VKORC1L1: variants seen among roughly 807,000 people sequenced by gnomAD.
VKORC1L1 encodes the protein vitamin K epoxide reductase complex subunit 1L1.
In VKORC1L1, 2 loss-of-function variants were observed where a neutral mutation model predicts 18.9. That is an observed-to-expected ratio of 0.11 (90% confidence interval 0.04 to 0.33). The LOEUF is 0.33. Among genes scored for constraint, VKORC1L1 ranks in the 10% least tolerant of loss-of-function variants. The pLI is 1.00. For missense variants in VKORC1L1, 123 were observed against 224.1 expected (o/e 0.55, Z 2.88); for synonymous variants, 96 against 100.0 (o/e 0.96, Z 0.24).
intron 1 of VKORC1L1, among the ~76,000 whole-genome samples, chr7:65,884,021 A>C (rs1188501678): frequency 6.6e-6 from 1 of 152,218 alleles, no homozygotes; most frequent in African/African-American, 2.4e-5. Flanking sequence ...TGACAAAATC[A>C]GGAATTAAAG....
At chr7:65,868,830 G>A (rs1361630103), upstream of VKORC1L1, among the ~76,000 whole-genome samples, 1 of 152,050 alleles carries the variant, frequency 6.6e-6, no homozygotes, top group Non-Finnish European at 1.5e-5. Flanking sequence ...GGAGGGTGAG[G>A]GGTGAAAATT....
In VKORC1L1 at chr7:65,942,399, G is replaced by A. The variant is rs1452432583; in HGVS notation, c.195-6272G>A. On this transcript the variant is annotated intron_variant, in intron 1 of 2. Coordinates refer to ENST00000360768, the MANE Select transcript of VKORC1L1 (RefSeq NM_173517.6). Reference sequence around the variant, plus strand: ...CCCAGCTACTTGGGAGGCTGAGGCAGGAAAATGGCATGAACCCGGGAGGCG... The same window carrying A: ...CCCAGCTACTTGGGAGGCTGAGGCAAGAAAATGGCATGAACCCGGGAGGCG... 2.0e-5 allele frequency among the ~76,000 whole-genome samples: 3 copies of A among 147,938 alleles called. No individual in the cohort carries two copies. The South Asian group carries it at 6.6e-4, about 32-fold the overall frequency.
Position 65,956,522 on chromosome 7 carries a change from G to A in VKORC1L1, c.*2222G>A, listed in dbSNP as rs778572998. On this transcript the variant is annotated 3_prime_UTR_variant, in exon 3 of 3. Coordinates refer to ENST00000360768, the MANE Select transcript of VKORC1L1 (RefSeq NM_173517.6). ...TTTTTCCTTTGCTTTTCTAAGCCTC[G>A]GGGAAACCACTGTTTCAGTTGTATA... The A allele has an allele frequency of 3.9e-5, 6 of 152,094 alleles. No homozygotes were observed. The highest frequency in any genetic ancestry group is 5.9e-5 in the Non-Finnish European group (4 of 68,030). 9.4% of individuals were successfully genotyped at this position (152,094 alleles called of 1,614,324 possible). A position where few individuals can be genotyped will look rare whatever the true frequency, so the allele number is the denominator to read the frequency against.
At chr7:65,945,767 A>G (rs541824565) in intron 1 of VKORC1L1, among the ~76,000 whole-genome samples, 12 of 152,314 alleles carry the variant, frequency 7.9e-5, no homozygotes, top group Non-Finnish European at 1.5e-4. Flanking sequence ...CTTTGATAAT[A>G]TATTCATTTG....
chr7:65,917,986 A>G lies in VKORC1L1; in HGVS notation c.195-30685A>G, dbSNP rs185087383. Reference sequence around the variant, plus strand: ...AGGGTCGCGATAGGTTAGTAGTGACATCTAGCAGGTAGAGTCCAGGGACAG... The same window carrying G: ...AGGGTCGCGATAGGTTAGTAGTGACGTCTAGCAGGTAGAGTCCAGGGACAG... On this transcript the variant is annotated intron_variant, in intron 1 of 2. Coordinates refer to ENST00000360768, the MANE Select transcript of VKORC1L1 (RefSeq NM_173517.6). Among the ~76,000 whole-genome samples the G allele has an allele frequency of 5.3e-5, 8 of 152,342 alleles. No homozygotes were observed. The East Asian group carries it at 1.5e-3, about 29-fold the overall frequency.
At chr7:65,892,700 AGAT>A (rs908241988) in intron 1 of VKORC1L1, among the ~76,000 whole-genome samples, 6 of 152,112 alleles carry the variant, frequency 3.9e-5, no homozygotes, top group Non-Finnish European at 8.8e-5. Flanking sequence ...GATGACATGA[AGAT>A]GATGATGATG....
intron 1 of VKORC1L1, among the ~76,000 whole-genome samples, chr7:65,879,992 C>G (rs1048980646): frequency 2.0e-5 from 3 of 152,064 alleles, no homozygotes; most frequent in Admixed American, 6.6e-5. Flanking sequence ...GCTGGGTCTA[C>G]AGTTGCACAC....
In VKORC1L1 at chr7:65,955,368, G is replaced by C. The variant is rs1790278022; in HGVS notation, c.*1068G>C. 1 of 152,192 alleles carries C rather than the reference G, an allele frequency of 6.6e-6. No homozygotes were observed. The highest frequency in any genetic ancestry group is 2.4e-5 in the African/African-American group (1 of 41,430). 9.4% of individuals were successfully genotyped at this position (152,192 alleles called of 1,614,324 possible). Reference sequence around the variant, plus strand: ...TGTTTCTTTCTGCACTAACCACTCAGATGTCTAATTTAATTGTTTTGCAGT... The same window carrying C: ...TGTTTCTTTCTGCACTAACCACTCACATGTCTAATTTAATTGTTTTGCAGT... On this transcript the variant is annotated 3_prime_UTR_variant, in exon 3 of 3. Coordinates refer to ENST00000360768, the MANE Select transcript of VKORC1L1 (RefSeq NM_173517.6).
chr7:65,918,171 A>G (rs1016326008), intron 1 of VKORC1L1, among the ~76,000 whole-genome samples: 4 of 152,166 alleles, frequency 2.6e-5, no homozygotes, highest in Admixed American at 2.6e-4. Context: ...TTGTTCTACT[A>G]CAGTTTTCCT....
At chr7:65,911,467 T>C (rs1289244261) in intron 1 of VKORC1L1, among the ~76,000 whole-genome samples, 1 of 152,232 alleles carries the variant, frequency 6.6e-6, no homozygotes, top group Non-Finnish European at 1.5e-5. Flanking sequence ...TCATGCCATA[T>C]ACACCTCCCC....
intron 1 of VKORC1L1, among the ~76,000 whole-genome samples, chr7:65,895,463 AAAAAAAAAAAAAAAAAAATATATAT>A (rs1431028771): frequency 7.3e-5 from 3 of 41,104 alleles, no homozygotes; most frequent in African/African-American, 3.3e-4. Context: ...GAAAAAAAAA[AAAAAAAAAAAAAAAAAAATATATAT>A]ATATATATAT....
chr7:65,866,796 A>G, the VKORC1L1 span, among the ~76,000 whole-genome samples: 41 of 151,996 alleles, frequency 2.7e-4, no homozygotes, highest in Non-Finnish European at 2.9e-5. Flanking sequence ...ACATGCGGTC[A>G]CAGCTACTCG....
chr7:65,897,336 G>A (rs1461154424), intron 1 of VKORC1L1, among the ~76,000 whole-genome samples: 2 of 152,204 alleles, frequency 1.3e-5, no homozygotes, highest in Non-Finnish European at 2.9e-5. Flanking sequence ...AGTTTGATTA[G>A]CTATTGACTA....
chr7:65,889,300 G>A (rs1206079542), intron 1 of VKORC1L1, among the ~76,000 whole-genome samples: 2 of 152,008 alleles, frequency 1.3e-5, no homozygotes, highest in Non-Finnish European at 2.9e-5. Flanking sequence ...TTGCCTACTA[G>A]ACATCTCTAC....
chr7:65,927,629 C>G (rs998015989), intron 1 of VKORC1L1, among the ~76,000 whole-genome samples: 2 of 152,170 alleles, frequency 1.3e-5, no homozygotes, highest in Admixed American at 1.3e-4. Context: ...GTGCAGGTCC[C>G]TCCCCCAGTT....
chr7:65,909,573 T>C (rs1789465349), intron 1 of VKORC1L1, among the ~76,000 whole-genome samples: 1 of 152,164 alleles, frequency 6.6e-6, no homozygotes, highest in African/African-American at 2.4e-5. Flanking sequence ...ACATTTCCTG[T>C]GTGTGGATCT....
chr7:65,894,943 A>T (rs1236286639), intron 1 of VKORC1L1, among the ~76,000 whole-genome samples: 1 of 152,210 alleles, frequency 6.6e-6, no homozygotes, highest in Admixed American at 6.5e-5. Context: ...TCTGAAAAAC[A>T]TTGCAAAACT....
intron 1 of VKORC1L1, among the ~76,000 whole-genome samples, chr7:65,922,175 A>G (rs1404468469): frequency 8.5e-6 from 1 of 117,880 alleles, no homozygotes; most frequent in Non-Finnish European, 1.9e-5. Flanking sequence ...TCCACAAGAC[A>G]TTTTGTTTGA....
chr7:65,895,578 C>G (rs1789196284), intron 1 of VKORC1L1, among the ~76,000 whole-genome samples: 1 of 137,872 alleles, frequency 7.3e-6, no homozygotes, highest in Admixed American at 7.7e-5. Flanking sequence ...ATTAATATCT[C>G]AATAGGCTTT....
Sources: allele counts gnomAD v4.1 joint callset (sites outside exome capture counted in the v4.1 genomes callset), GRCh38; gene constraint gnomAD v4.1.1; transcripts MANE v1.5; gene names NCBI Gene and HGNC (gene_info 2026-07-23, HGNC 2026-07-21).